The following VPS53 variants were observed in gnomAD, a reference collection of about 807,000 sequenced individuals.
VPS53 encodes the protein vacuolar protein sorting-associated protein 53 homolog.
Under a neutral mutation model 107.0 loss-of-function variants are expected in VPS53, and 70 were observed. The ratio of observed to expected loss-of-function variants is 0.65; its 90% CI spans 0.54 to 0.80. The LOEUF is 0.80. Among genes scored for constraint, VPS53 ranks in the 30% least tolerant of loss-of-function variants. The probability of loss-of-function intolerance (pLI) is 0.00; values close to 1 mark genes in which losing one functional copy is unlikely to be tolerated. For synonymous variants in VPS53, 409 were observed against 393.3 expected, an observed-to-expected ratio of 1.04 and a Z score of -0.47; for missense variants, 917 against 1,049.4, an observed-to-expected ratio of 0.87 and a Z score of 1.74.
chr17:684,876 G>T (rs368811755), intron 4 of VPS53, among the ~76,000 whole-genome samples: 1 of 151,892 alleles, frequency 6.6e-6, no homozygotes, highest in African/African-American at 2.4e-5. Flanking sequence ...TAATCCCAGC[G>T]ACTCGAGAGA....
intron 7 of VPS53, among the ~76,000 whole-genome samples, chr17:651,048 A>G (rs1055484046): frequency 2.6e-5 from 4 of 152,248 alleles, no homozygotes; most frequent in African/African-American, 4.8e-5. Flanking sequence ...TACACACACA[A>G]ATCCGGAGAG....
intron 4 of VPS53, among the ~76,000 whole-genome samples, chr17:672,955 A>T (rs150048407): frequency 1.3e-5 from 2 of 152,176 alleles, no homozygotes; most frequent in East Asian, 3.9e-4. Context: ...TACTAAAAAT[A>T]CAAAAAATTA....
intron 13 of VPS53, among the ~76,000 whole-genome samples, chr17:563,618 C>T (rs1913227621): frequency 1.3e-5 from 2 of 152,144 alleles, no homozygotes; most frequent in African/African-American, 4.8e-5. Flanking sequence ...TTACAATAAA[C>T]TTACATAGTA....
intron 11 of VPS53, among the ~76,000 whole-genome samples, chr17:618,834 C>T (rs904788138): frequency 1.4e-5 from 2 of 140,950 alleles, no homozygotes; most frequent in Non-Finnish European, 3.0e-5. Flanking sequence ...AGGGACTACA[C>T]GTGTGCACCA....
At chr17:567,417 T>A (rs1913626034) in intron 13 of VPS53, among the ~76,000 whole-genome samples, 1 of 152,174 alleles carries the variant, frequency 6.6e-6, no homozygotes, top group Admixed American at 6.5e-5. Flanking sequence ...TAGCCAGTAT[T>A]TCACAGAACA....
chr17:591,272 T>C (rs1051707563), intron 12 of VPS53, among the ~76,000 whole-genome samples: 333 of 152,304 alleles, frequency 2.2e-3, no homozygotes, highest in African/African-American at 7.6e-3. Flanking sequence ...TCTCTCTTTT[T>C]TTCTTTATTA....
chr17:546,055 C>G (rs749366161), intron 17 of VPS53, among the ~76,000 whole-genome samples: 1 of 152,114 alleles, frequency 6.6e-6, no homozygotes, highest in Non-Finnish European at 1.5e-5. Context: ...TCCCACACAT[C>G]TATGGTTAAC....
intron 4 of VPS53, among the ~76,000 whole-genome samples, chr17:691,752 G>A: frequency 6.6e-6 from 1 of 152,190 alleles, no homozygotes; most frequent in East Asian, 1.9e-4. Flanking sequence ...TCACTTAGCA[G>A]CCATCTCGGC....
chr17:618,325 T>C lies in VPS53; in HGVS notation c.1116+5208A>G, dbSNP rs12950547. Among the ~76,000 whole-genome samples the C allele has an allele frequency of 5.4e-3, 370 of 68,048 alleles. 13 individuals carry two copies. Among genetic ancestry groups the C allele is most frequent in the East Asian group, 0.016 (46 of 2,794 alleles). The allele number at this position is 68,048 out of a possible 152,430, so 44.6% of individuals were successfully genotyped here. A position where few individuals can be genotyped will look rare whatever the true frequency, so the allele number is the denominator to read the frequency against. ...GCCACCACGCCCCACTAATATTTCC[T>C]GGGTAGCTGGGACTACAGGGGTGCA... On this transcript the variant is annotated intron_variant, in intron 11 of 21. Transcript: ENST00000437048.
chr17:669,410 CG>C (rs1971840166), intron 4 of VPS53, among the ~76,000 whole-genome samples: 1 of 151,776 alleles, frequency 6.6e-6, no homozygotes, highest in South Asian at 2.1e-4. Context: ...ACCAACATGA[CG>C]AAACTCCGTC....
intron 7 of VPS53, among the ~76,000 whole-genome samples, chr17:652,390 G>A (rs943233530): frequency 6.6e-6 from 1 of 152,194 alleles, no homozygotes; most frequent in African/African-American, 2.4e-5. Flanking sequence ...CCCGTTAGTG[G>A]GTGGGAGAAG....
At chr17:567,387 A>C (rs1245009442) in intron 13 of VPS53, among the ~76,000 whole-genome samples, 1 of 152,196 alleles carries the variant, frequency 6.6e-6, no homozygotes, top group East Asian at 1.9e-4. Flanking sequence ...TTGATGCCAC[A>C]TGAGACATTA....
chr17:565,078 G>C (rs1913363352), intron 13 of VPS53, among the ~76,000 whole-genome samples: 1 of 152,182 alleles, frequency 6.6e-6, no homozygotes, highest in South Asian at 2.1e-4. Context: ...GGAGAAAATT[G>C]ACATTTTACT....
At chr17:686,160 A>C (rs1972578111) in intron 4 of VPS53, among the ~76,000 whole-genome samples, 1 of 152,024 alleles carries the variant, frequency 6.6e-6, no homozygotes, top group Admixed American at 6.5e-5. Context: ...CTCTACAAAA[A>C]GTGTTTTAAA....
At chr17:534,289 G>A (rs1395404807) in intron 18 of VPS53, among the ~76,000 whole-genome samples, 2 of 152,214 alleles carry the variant, frequency 1.3e-5, no homozygotes, top group African/African-American at 4.8e-5. Flanking sequence ...GTGGATGAGG[G>A]AAGTTGCTTG....
At chr17:634,749 T>C (rs1421310323) in intron 7 of VPS53, among the ~76,000 whole-genome samples, 2 of 152,114 alleles carry the variant, frequency 1.3e-5, no homozygotes, top group African/African-American at 2.4e-5. Flanking sequence ...GGCTGCATAG[T>C]ATTCCATGGT....
intron 7 of VPS53, among the ~76,000 whole-genome samples, chr17:637,123 A>G (rs1334844393): frequency 6.6e-6 from 1 of 152,142 alleles, no homozygotes; most frequent in Non-Finnish European, 1.5e-5. Context: ...CAGGGATTCA[A>G]CTTCTTCCTG....
chr17:538,413 A>C (rs1309830504), intron 17 of VPS53: 1 of 152,302 alleles, frequency 6.6e-6, no homozygotes, highest in African/African-American at 2.4e-5. Flanking sequence ...CACAAACCAT[A>C]TAATATGTTC....
intron 4 of VPS53, among the ~76,000 whole-genome samples, chr17:672,573 C>T (rs1236893793): frequency 6.6e-6 from 1 of 152,168 alleles, no homozygotes; most frequent in African/African-American, 2.4e-5. Context: ...TATCTGCAGG[C>T]AGACTCAGAA....
Sources: gnomAD v4.1 joint callset for allele counts (sites outside exome capture counted in the v4.1 genomes callset) on GRCh38, gnomAD v4.1.1 for gene constraint, MANE v1.5 for transcripts, NCBI Gene and HGNC (gene_info 2026-07-23, HGNC 2026-07-21) for gene names.